The following RFC5 variants were observed in gnomAD, a reference collection of about 807,000 sequenced individuals.
RFC5 encodes the protein A1 36 kDa subunit.
A neutral mutation model predicts 44.3 loss-of-function variants in RFC5; 26 were observed. That is an observed-to-expected ratio of 0.59 (90% CI 0.43 to 0.81). The LOEUF is 0.81. Ranked by LOEUF, RFC5 falls within the 40% of genes least tolerant of loss-of-function variation. The pLI is 0.00. For missense variants in RFC5, 328 were observed against 418.6 expected (o/e 0.78, Z 1.89); for synonymous variants, 155 against 155.2 (o/e 1.00, Z 0.01).
Position 118,031,340 on chromosome 12 carries a change from TC to T in RFC5, c.*64del. 8.7e-7 allele frequency: 1 copy of T among 1,153,196 alleles called. No homozygotes were observed. Among genetic ancestry groups the T allele is most frequent in the Non-Finnish European group, 1.3e-6 (1 of 777,630 alleles). 71.4% of individuals were successfully genotyped at this position (1,153,196 alleles called of 1,614,324 possible). On this transcript the variant is annotated 3_prime_UTR_variant, in exon 11 of 11. Coordinates refer to ENST00000454402, the MANE Select transcript of RFC5 (RefSeq NM_007370.7). ...CAGTGATGGGAGAACAGAGGACAGT[TC>T]CAGGATAAACTGCTGCCTGGGGCTG...
chr12:118,023,507 G>GGGA (rs201689875), intron 5 of RFC5, among the ~76,000 whole-genome samples: 5,000 of 137,752 alleles, frequency 0.036, 483 homozygotes, highest in African/African-American at 0.14. Context: ...GGAGAGGTGG[G>GGGA]GGAGGAGGAG....
chr12:118,031,050 A>G, intron 10 of RFC5, 132 bp from the exon 11 acceptor site: 1 of 612,306 alleles, frequency 1.6e-6, no homozygotes, highest in Non-Finnish European at 3.0e-6. Flanking sequence ...ATTGCCATCC[A>G]GGGCACATTT....
chr12:118,022,302 G>C lies in RFC5; in HGVS notation c.364G>C (p.Val122Leu). ...RTIFKKGFKL[V>L]ILDEADAMTQ... is the part of the protein sequence containing the mutation. ...TTTTTCTAGGAAAGGCTTTAAGCTA[G>C]TGATCTTGGATGAAGCAGACGCCAT... The change falls in exon 5 of 11, where the codon GTG (valine) becomes CTG (leucine). Residue 122 changes from valine to leucine, a missense_variant. Physicochemically the swap from Val to Leu is conservative, Grantham distance 32. Coordinates refer to ENST00000454402, the MANE Select transcript of RFC5 (RefSeq NM_007370.7). The C allele has an allele frequency of 1.2e-6, 2 of 1,613,980 alleles. No individual in the cohort carries two copies. The highest frequency in any genetic ancestry group is 1.7e-6 in the Non-Finnish European group (2 of 1,179,866).
intron 6 of RFC5, chr12:118,025,524 T>A (rs5745861): frequency 0.091 from 43,153 of 475,022 alleles, 2,951 homozygotes; most frequent in African/African-American, 0.25. Flanking sequence ...GTTCCTAAAT[T>A]CAGGCTGTTC....
intron 9 of RFC5, 115 bp downstream of exon 9, chr12:118,028,145 A>C (rs2031077519): frequency 5.6e-6 from 4 of 708,342 alleles, no homozygotes; most frequent in Non-Finnish European, 1.0e-5. Flanking sequence ...ATGAATTGTA[A>C]ATCAGACCCT....
chr12:118,027,907 ATGTT>A, intron 8 of RFC5, 42 bp from the exon 9 acceptor site: 2 of 1,186,642 alleles, frequency 1.7e-6, no homozygotes, highest in Non-Finnish European at 2.5e-6. Context: ...TCTCTGCAGT[ATGTT>A]TGTTCTGGAA....
In RFC5 at chr12:118,019,017, C is replaced by T; in HGVS notation, c.66-55C>T. 7.5e-7 allele frequency: 1 copy of T among 1,325,070 alleles called. No homozygotes were observed. Among genetic ancestry groups the T allele is most frequent in the East Asian group, 2.3e-5 (1 of 43,242 alleles). 82.1% of individuals were successfully genotyped at this position (1,325,070 alleles called of 1,614,324 possible). Reference sequence around the variant, plus strand: ...CCTGACCTGCAAGGATTCTTTTGCACATAAAATATTCTTGCATTTATATAT... The same window carrying T: ...CCTGACCTGCAAGGATTCTTTTGCATATAAAATATTCTTGCATTTATATAT... On this transcript the variant is annotated intron_variant, in intron 1 of 10. Transcript: ENST00000454402. This position sits in a 1 kb window ranked among gnomAD's most constrained non-coding sequence, Gnocchi z 4.2.
chr12:118,024,438 T>A (rs1235958843), intron 5 of RFC5, among the ~76,000 whole-genome samples: 1 of 152,102 alleles, frequency 6.6e-6, no homozygotes, highest in East Asian at 1.9e-4. Context: ...ACATTCTTTC[T>A]TTTTTGAGAC....
chr12:118,025,735 T>A lies in RFC5; in HGVS notation c.582-12T>A. 6.4e-7 allele frequency: 1 copy of A among 1,573,776 alleles called. No homozygotes were observed. The highest frequency in any genetic ancestry group is 8.7e-7 in the Non-Finnish European group (1 of 1,144,434). On this transcript the variant is annotated splice_polypyrimidine_tract_variant and intron_variant, in intron 6 of 10. Transcript: ENST00000454402. ...GGGGGCCTCATAAATCCCTTTTGCTTATTTCTTTCAGAGTTGATATAAGTG... is the reference window on the plus strand; with the variant it reads ...GGGGGCCTCATAAATCCCTTTTGCTAATTTCTTTCAGAGTTGATATAAGTG...
intron 9 of RFC5, among the ~76,000 whole-genome samples, chr12:118,029,143 G>A (rs1266323093): frequency 3.9e-5 from 6 of 152,248 alleles, no homozygotes; most frequent in Non-Finnish European, 5.9e-5. Flanking sequence ...GGACAGGATC[G>A]GTATAGTGGC....
rs1389377076 is a variant in RFC5, at chr12:118,016,789, G to A, written c.-39G>A. The A allele has an allele frequency of 1.3e-6, 2 of 1,577,118 alleles. No individual in the cohort carries two copies. The highest frequency in any genetic ancestry group is 1.7e-6 in the Non-Finnish European group (2 of 1,156,410). On this transcript the variant is annotated 5_prime_UTR_variant, in exon 1 of 11. Coordinates refer to ENST00000454402, the MANE Select transcript of RFC5 (RefSeq NM_007370.7). ...CACTGTGCAGGCGCTTGGGTGACGC[G>A]ACGATCTCAGCGGATCTGGTCACCT...
At chr12:118,040,059 G>A in the RFC5 span, among the ~76,000 whole-genome samples, 2 of 151,976 alleles carry the variant, frequency 1.3e-5, no homozygotes, top group Non-Finnish European at 2.9e-5. Context: ...TGTAGTCCCA[G>A]CTACTCCAGA....
At chr12:118,039,559 A>G in the RFC5 span, among the ~76,000 whole-genome samples, 1 of 152,120 alleles carries the variant, frequency 6.6e-6, no homozygotes. Context: ...AACACAGGGT[A>G]CCAGGATGCA....
intron 6 of RFC5, chr12:118,025,425 G>T: frequency 2.9e-6 from 1 of 343,262 alleles, no homozygotes; most frequent in Non-Finnish European, 5.3e-6. Context: ...TGAAGGAGGA[G>T]TTTCGGCTGT....
intron 8 of RFC5, chr12:118,027,471 A>G (rs2137730060): frequency 1.2e-5 from 2 of 160,670 alleles, no homozygotes; most frequent in Non-Finnish European, 1.4e-5. Context: ...CAGGAGTTCA[A>G]GACCAGCCTG....
At chr12:118,016,921 G>A (rs779386247) in intron 1 of RFC5, 29 bp downstream of exon 1, 16 of 1,596,432 alleles carry the variant, frequency 1.0e-5, no homozygotes, top group Non-Finnish European at 1.3e-5. Context: ...GCGGCGGTGG[G>A]CAGAGGGGGC....
chr12:118,037,608 C>T (rs893291386), downstream of RFC5, among the ~76,000 whole-genome samples: 3 of 150,258 alleles, frequency 2.0e-5, no homozygotes, highest in African/African-American at 4.9e-5. Flanking sequence ...GCGGAGGTTG[C>T]AGTAAGCCGA....
intron 5 of RFC5, 133 bp from the exon 6 acceptor site, chr12:118,024,718 C>T (rs1225338250): frequency 2.7e-6 from 2 of 748,384 alleles, no homozygotes; most frequent in East Asian, 5.2e-5. Flanking sequence ...TACGCCCGGC[C>T]AACATCCTCA....
At chr12:118,027,122 C>A in intron 8 of RFC5, 104 bp downstream of exon 8, 1 of 1,187,258 alleles carries the variant, frequency 8.4e-7, no homozygotes, top group Non-Finnish European at 1.2e-6. Context: ...TGACTGGCTG[C>A]AGGCGACTCT....
Sources: gnomAD v4.1 joint callset for allele counts (sites outside exome capture counted in the v4.1 genomes callset) on GRCh38, gnomAD v4.1.1 for gene constraint, Gnocchi (gnomAD v3.1) non-coding constraint, MANE v1.5 for transcripts, NCBI Gene and HGNC (gene_info 2026-07-23, HGNC 2026-07-21) for gene names.